Variants in SLC12A3 observed in about 807,000 individuals in gnomAD.
SLC12A3 encodes the protein solute carrier family 12 member 3.
A neutral mutation model predicts 121.0 loss-of-function variants in SLC12A3; 104 were observed. The observed-to-expected ratio is 0.86, with a 90% CI of 0.73 to 1.01. SLC12A3 has a LOEUF of 1.01. SLC12A3 is among the 50% of genes least tolerant of loss of function. SLC12A3 has a pLI of 0.00. For synonymous variants in SLC12A3, 536 were observed against 533.4 expected (o/e 1.00, Z -0.07); for missense variants, 1,328 against 1,356.3 (o/e 0.98, Z 0.33).
At chr16:56,885,549 G>C (rs2055299419) in intron 15 of SLC12A3, among the ~76,000 whole-genome samples, 185 bp downstream of exon 15, 1 of 152,180 alleles carries the variant, frequency 6.6e-6, no homozygotes, top group African/African-American at 2.4e-5. Flanking sequence ...GACATATCCT[G>C]ATGGGGACCA....
In SLC12A3 at chr16:56,913,500, G is replaced by C. The variant is rs1477733834; in HGVS notation, c.*95G>C. 8 of 1,287,158 alleles carry C rather than the reference G, an allele frequency of 6.2e-6. No homozygotes were observed. The highest frequency in any genetic ancestry group is 1.7e-5 in the Admixed American group (1 of 59,536). The allele number at this position is 1,287,158 out of a possible 1,614,324, so 79.7% of individuals were successfully genotyped here. A position where few individuals can be genotyped will look rare whatever the true frequency, so the allele number is the denominator to read the frequency against. Reference sequence around the variant, plus strand: ...TCCACAGGGATGAGACTCATGTTCTGTTGCACTTTAAGTGGCAGCATCTGA... The same window carrying C: ...TCCACAGGGATGAGACTCATGTTCTCTTGCACTTTAAGTGGCAGCATCTGA... On this transcript the variant is annotated 3_prime_UTR_variant, in exon 26 of 26. Coordinates refer to ENST00000563236, the MANE Select transcript of SLC12A3 (RefSeq NM_001126108.2).
At chr16:56,905,891 GT>G (rs1448889140) in intron 25 of SLC12A3, among the ~76,000 whole-genome samples, 1 of 152,204 alleles carries the variant, frequency 6.6e-6, no homozygotes, top group African/African-American at 2.4e-5. Flanking sequence ...AACTTCACCT[GT>G]TTGAACCCTT....
chr16:56,901,099 T>G (rs929154812), intron 23 of SLC12A3, among the ~76,000 whole-genome samples: 4 of 152,166 alleles, frequency 2.6e-5, no homozygotes, highest in African/African-American at 9.7e-5. Flanking sequence ...TGATCCTTCT[T>G]GAGACCGTTC....
chr16:56,885,328 G>A lies in SLC12A3; in HGVS notation c.1889G>A (p.Gly630Asp). The change falls in exon 15 of 26, where the codon GGC (glycine) becomes GAC (aspartate). Residue 630 changes from glycine to aspartate, a missense_variant. Gly to Asp is a moderately conservative substitution (Grantham distance 94, BLOSUM62 -1). Coordinates refer to ENST00000563236, the MANE Select transcript of SLC12A3 (RefSeq NM_001126108.2). Reference sequence around the variant, plus strand: ...AACCTGGCCCTCAGCTACTCGGTGGGCCTCAATGAGGTGGAAGACCACATC... The same window carrying A: ...AACCTGGCCCTCAGCTACTCGGTGGACCTCAATGAGGTGGAAGACCACATC... ...SYNLALSYSVGLNEVEDHIKN... is the reference protein window; with the variant it reads ...SYNLALSYSVDLNEVEDHIKN... 6.4e-7 allele frequency: 1 copy of A among 1,555,272 alleles called. No individual in the cohort carries two copies. The highest frequency in any genetic ancestry group is 8.7e-7 in the Non-Finnish European group (1 of 1,149,026).
chr16:56,890,880 T>G (rs2055379469), intron 19 of SLC12A3, among the ~76,000 whole-genome samples: 2 of 139,312 alleles, frequency 1.4e-5, no homozygotes, highest in African/African-American at 5.5e-5. Context: ...CCATCCTGGG[T>G]GACAAGAGCA....
intron 10 of SLC12A3, 38 bp from the exon 11 acceptor site, chr16:56,879,504 C>A (rs192954912): frequency 1.3e-6 from 2 of 1,522,314 alleles, no homozygotes; most frequent in African/African-American, 1.4e-5. Flanking sequence ...CCTGGCTCAG[C>A]CCCCACCGTG....
At chr16:56,883,281 T>TTC (rs1161183690) in intron 13 of SLC12A3, among the ~76,000 whole-genome samples, 27 of 113,642 alleles carry the variant, frequency 2.4e-4, no homozygotes, top group African/African-American at 7.8e-4. Context: ...TTTTCTTTCT[T>TTC]TTTTTTTTTT....
intron 25 of SLC12A3, among the ~76,000 whole-genome samples, chr16:56,906,139 C>A (rs115777722): frequency 0.031 from 4,695 of 152,280 alleles, 250 homozygotes; most frequent in African/African-American, 0.11. Context: ...GAGAGGAGAC[C>A]TCAGAACAAG....
intron 8 of SLC12A3, 40 bp from the exon 9 acceptor site, chr16:56,878,037 T>TCCCCCCCCCCCCCC: frequency 2.4e-6 from 1 of 421,398 alleles, no homozygotes; most frequent in South Asian, 2.4e-5. Flanking sequence ...CCTCCCTCTC[T>TCCCCCCCCCCCCCC]CCCTCCCTCC....
intron 25 of SLC12A3, among the ~76,000 whole-genome samples, chr16:56,905,200 G>A (rs58215440): frequency 0.031 from 4,660 of 152,016 alleles, 249 homozygotes; most frequent in African/African-American, 0.11. Context: ...TTAGCTGGGC[G>A]TGGTGGTGCA....
intron 9 of SLC12A3, 138 bp from the exon 10 acceptor site, chr16:56,878,935 T>C (rs1173683464): frequency 9.6e-7 from 1 of 1,046,260 alleles, no homozygotes; most frequent in African/African-American, 1.6e-5. Context: ...CACACCTTCA[T>C]TGTCATCATT....
intron 25 of SLC12A3, among the ~76,000 whole-genome samples, chr16:56,905,541 C>A (rs749817468): frequency 6.6e-6 from 1 of 152,052 alleles, no homozygotes; most frequent in Non-Finnish European, 1.5e-5. Context: ...CACCATCTGA[C>A]CTGGACTGCA....
chr16:56,892,766 C>T (rs528441657), intron 20 of SLC12A3, among the ~76,000 whole-genome samples, 187 bp from the exon 21 acceptor site: 2 of 152,332 alleles, frequency 1.3e-5, no homozygotes, highest in Admixed American at 6.5e-5. Context: ...ACCAGAATCC[C>T]GGGAGAGAGA....
intron 10 of SLC12A3, 66 bp from the exon 11 acceptor site, chr16:56,879,476 G>C: frequency 7.4e-7 from 1 of 1,353,644 alleles, no homozygotes. Context: ...AGGGAATGAA[G>C]TGCCACAGAT....
chr16:56,913,533 A>C lies in SLC12A3; in HGVS notation c.*128A>C. ...TTAAGTGGCAGCATCTGATGATCTC[A>C]CCGAAAAAGATGGTAGATTTCCAAA... On this transcript the variant is annotated 3_prime_UTR_variant, in exon 26 of 26. Coordinates refer to ENST00000563236, the MANE Select transcript of SLC12A3 (RefSeq NM_001126108.2). 31 of 971,064 alleles carry C rather than the reference A, an allele frequency of 3.2e-5. No homozygotes were observed. The highest frequency in any genetic ancestry group is 4.0e-5 in the Non-Finnish European group (24 of 600,152). 60.2% of individuals were successfully genotyped at this position (971,064 alleles called of 1,614,324 possible).
In SLC12A3 at chr16:56,869,653, G is replaced by A. The variant is rs534143570; in HGVS notation, c.506-76G>A. On this transcript the variant is annotated intron_variant, in intron 3 of 25. Coordinates refer to ENST00000563236, the MANE Select transcript of SLC12A3 (RefSeq NM_001126108.2). ...CAGAGAAGGGAGATGAACGTAGGTCGCATGGTGAATGAGTAGGCAAACTGG... is the reference window on the plus strand; with the variant it reads ...CAGAGAAGGGAGATGAACGTAGGTCACATGGTGAATGAGTAGGCAAACTGG... 1.3e-4 allele frequency: 146 copies of A among 1,132,164 alleles called. 1 individual carries two copies. The African/African-American group carries it at 1.6e-3, about 12-fold the overall frequency. 70.1% of individuals were successfully genotyped at this position (1,132,164 alleles called of 1,614,324 possible).
At chr16:56,883,759 T>G (rs2055272957) in intron 13 of SLC12A3, among the ~76,000 whole-genome samples, 1 of 152,180 alleles carries the variant, frequency 6.6e-6, no homozygotes, top group Non-Finnish European at 1.5e-5. Context: ...TCTCACCCCC[T>G]TGGCACCATG....
At chr16:56,882,548 G>A (rs768399585) in intron 13 of SLC12A3, 51 bp downstream of exon 13, 2 of 1,411,730 alleles carry the variant, frequency 1.4e-6, no homozygotes, top group Non-Finnish European at 1.0e-6. Context: ...GGGGCAGGAG[G>A]AACTGGGGCA....
rs2055082627 is a variant in SLC12A3, at chr16:56,870,715, T to C, written c.831T>C (p.Ala277=). 1 of 1,611,510 alleles carries C rather than the reference T, an allele frequency of 6.2e-7. No individual in the cohort carries two copies. Among genetic ancestry groups the C allele is most frequent in the Non-Finnish European group, 8.5e-7 (1 of 1,177,832 alleles). ...CTGTGCTGCTGGCCATCTCCCTGGC[T>C]GGCATGGAGTGGGAGTCCAAGGTGA... ...SVTVLLAISL[A]GMEWESKAQV... is the part of the protein sequence containing the mutation. Residue 277 remains alanine, a synonymous_variant, in exon 6 of 26, where the codon GCT becomes GCC. Transcript: ENST00000563236.
Sources: allele counts gnomAD v4.1 joint callset (sites outside exome capture counted in the v4.1 genomes callset), GRCh38; gene constraint gnomAD v4.1.1; transcripts MANE v1.5; gene names NCBI Gene and HGNC (gene_info 2026-07-23, HGNC 2026-07-21).